Variants in MARCHF2 observed in about 807,000 individuals in gnomAD.
The protein encoded by MARCHF2 is membrane associated ring-CH-type finger 2.
A neutral mutation model predicts 24.0 loss-of-function variants in MARCHF2; 22 were observed. That is an observed-to-expected ratio of 0.92 (90% CI 0.66 to 1.31). The LOEUF is 1.31. Ranked by LOEUF, MARCHF2 falls within the 50% of genes most tolerant of loss-of-function variation. MARCHF2 has a pLI of 0.00. For synonymous variants in MARCHF2, 154 were observed against 153.0 expected (o/e 1.01, Z -0.05); for missense variants, 301 against 335.3 (o/e 0.90, Z 0.80).
intron 1 of MARCHF2, among the ~76,000 whole-genome samples, chr19:8,415,746 A>AC (rs1967069574): frequency 1.8e-5 from 1 of 54,862 alleles, no homozygotes; most frequent in Admixed American, 1.8e-4. Flanking sequence ...AAAAAAAACA[A>AC]AAAAAAAAAC....
intron 4 of MARCHF2, among the ~76,000 whole-genome samples, chr19:8,435,261 G>A (rs1224907735): frequency 2.0e-5 from 3 of 151,860 alleles, no homozygotes; most frequent in Admixed American, 6.6e-5. Context: ...CTCGTGATCC[G>A]CCCGTGTCTG....
intron 1 of MARCHF2, among the ~76,000 whole-genome samples, chr19:8,416,331 ACT>A (rs1310638386): frequency 2.4e-5 from 3 of 127,476 alleles, no homozygotes; most frequent in Non-Finnish European, 4.9e-5. Context: ...ACAGAGCGAG[ACT>A]CTGTCTCAAA....
In MARCHF2 at chr19:8,417,638, A is replaced by G. The variant is rs570792454; in HGVS notation, c.-52-4151A>G. Among the ~76,000 whole-genome samples the G allele has an allele frequency of 8.0e-5, 12 of 150,458 alleles. No homozygotes were observed. In the South Asian group the frequency reaches 2.3e-3, roughly 29 times the overall value. On this transcript the variant is annotated intron_variant, in intron 1 of 4. Transcript: ENST00000215555. ...CTTCTAGTAGAGATGGGGTTTTGCC[A>G]TGTTGGCCAGGCTGGTCTCGAACTC... is the stretch of plus-strand genomic sequence containing the variant.
intron 1 of MARCHF2, among the ~76,000 whole-genome samples, chr19:8,416,207 T>TC (rs1370044172): frequency 1.3e-5 from 2 of 151,602 alleles, no homozygotes; most frequent in African/African-American, 4.8e-5. Context: ...CCGGGTATGG[T>TC]GGTGGGTGCC....
intron 3 of MARCHF2, 29 bp downstream of exon 3, chr19:8,426,833 G>A: frequency 6.2e-7 from 1 of 1,600,502 alleles, no homozygotes; most frequent in South Asian, 1.1e-5. Flanking sequence ...GACTGCGGTG[G>A]GCAGTGGGGA....
In MARCHF2 at chr19:8,422,013, C is replaced by G. The variant is rs138648064; in HGVS notation, c.173C>G (p.Pro58Arg). Reference sequence around the variant, plus strand: ...ACCGTCATCCGTGCCTTGGACACACCGAGGTGAGTGGTGACTGCGTGGATA... The same window carrying G: ...ACCGTCATCCGTGCCTTGGACACACGGAGGTGAGTGGTGACTGCGTGGATA... ...LSTVIRALDT[P>R]SDGPFCRICH... The change falls in exon 2 of 5, where the codon CCG becomes CGG. Residue 58 changes from proline to arginine, a missense_variant. Pro to Arg is a moderately radical substitution (Grantham distance 103). Coordinates refer to ENST00000215555, the MANE Select transcript of MARCHF2 (RefSeq NM_001005415.2). The G allele has an allele frequency of 1.2e-6, 2 of 1,608,346 alleles. No individual in the cohort carries two copies. Among genetic ancestry groups the G allele is most frequent in the African/African-American group, 1.3e-5 (1 of 74,756 alleles).
At chr19:8,435,828 C>CTGTGTGTG (rs35027764) in intron 4 of MARCHF2, among the ~76,000 whole-genome samples, 1,464 of 141,140 alleles carry the variant, frequency 0.01, 18 homozygotes, top group East Asian at 0.034. Context: ...TGCACCTGGC[C>CTGTGTGTG]TGTGTGTGTG....
intron 4 of MARCHF2, among the ~76,000 whole-genome samples, chr19:8,436,699 T>C (rs1328867596): frequency 1.7e-5 from 1 of 60,402 alleles, no homozygotes; most frequent in Non-Finnish European, 4.3e-5. Flanking sequence ...TTTTTTTTTT[T>C]TGAGGCAGAG....
At chr19:8,428,669 A>C (rs905123643) in intron 3 of MARCHF2, among the ~76,000 whole-genome samples, 9 of 147,796 alleles carry the variant, frequency 6.1e-5, no homozygotes, top group Non-Finnish European at 7.5e-5. Context: ...AAAAAAAAAA[A>C]AAAAAAAAAA....
chr19:8,434,274 G>A (rs1455862108), intron 4 of MARCHF2, among the ~76,000 whole-genome samples: 12 of 151,796 alleles, frequency 7.9e-5, no homozygotes, highest in Admixed American at 2.6e-4. Flanking sequence ...TAGTAGAGAC[G>A]GGGTTTCGCC....
intron 1 of MARCHF2, among the ~76,000 whole-genome samples, chr19:8,415,411 A>AG (rs959176150): frequency 2.0e-5 from 3 of 149,778 alleles, no homozygotes; most frequent in African/African-American, 7.4e-5. Context: ...AAAAAAAAAA[A>AG]ACAGACAAAA....
At chr19:8,437,670 CT>C (rs1228476958) in intron 4 of MARCHF2, among the ~76,000 whole-genome samples, 77 of 143,008 alleles carry the variant, frequency 5.4e-4, no homozygotes, top group East Asian at 1.0e-3. Flanking sequence ...TATTGAGTGA[CT>C]TTTTTTTTTT....
At chr19:8,431,890 C>T (rs1240179721) in intron 4 of MARCHF2, among the ~76,000 whole-genome samples, 1 of 151,618 alleles carries the variant, frequency 6.6e-6, no homozygotes, top group African/African-American at 2.4e-5. Flanking sequence ...GGTGCGGTGG[C>T]TCATGCCTGT....
rs1199358695 is a variant in MARCHF2, at chr19:8,438,915, C to A, written c.*369C>A. 1 of 175,190 alleles carries A rather than the reference C, an allele frequency of 5.7e-6. No individual in the cohort carries two copies. The highest frequency in any genetic ancestry group is 2.4e-5 in the African/African-American group (1 of 42,186). 10.9% of individuals were successfully genotyped at this position (175,190 alleles called of 1,614,324 possible). On this transcript the variant is annotated 3_prime_UTR_variant, in exon 5 of 5. Transcript: ENST00000215555. ...GCAAGCTTCTTGCGCTTCTCTGCAC[C>A]CGGCAGGCCCACTTTCCTGGCACCC...
intron 1 of MARCHF2, among the ~76,000 whole-genome samples, chr19:8,421,174 G>C (rs909233163): frequency 3.0e-4 from 45 of 150,238 alleles, no homozygotes; most frequent in South Asian, 1.9e-3. Flanking sequence ...CCAGGCTGGA[G>C]TGCAGTGGCG....
In MARCHF2 at chr19:8,421,823, A is replaced by G; in HGVS notation, c.-18A>G. On this transcript the variant is annotated 5_prime_UTR_variant, in exon 2 of 5. It adds an upstream start codon to the 5' untranslated region. Transcript: ENST00000215555. Reference sequence around the variant, plus strand: ...ACCATGGGCCTCAGGCCCTGAGGATACGGGGCTCCCGGTGGCCATGACGAC... The same window carrying G: ...ACCATGGGCCTCAGGCCCTGAGGATGCGGGGCTCCCGGTGGCCATGACGAC... The G allele has an allele frequency of 6.3e-7, 1 of 1,595,376 alleles. No homozygotes were observed. The highest frequency in any genetic ancestry group is 8.5e-7 in the Non-Finnish European group (1 of 1,170,378).
Position 8,425,157 on chromosome 19 carries a change from C to T in MARCHF2, c.177-1452C>T, listed in dbSNP as rs868093152. On this transcript the variant is annotated intron_variant, in intron 2 of 4. Transcript: ENST00000215555. ...TTGGGAGGCTGAGGCGGGCAGATCACGAGGTCAGGAGATTGAGACCATCCT... is the reference window on the plus strand; with the variant it reads ...TTGGGAGGCTGAGGCGGGCAGATCATGAGGTCAGGAGATTGAGACCATCCT... Among the ~76,000 whole-genome samples the T allele has an allele frequency of 2.0e-5, 3 of 151,668 alleles. No individual in the cohort carries two copies. In the South Asian group the frequency reaches 6.2e-4, roughly 32 times the overall value.
intron 1 of MARCHF2, among the ~76,000 whole-genome samples, chr19:8,417,452 G>T (rs1157387695): frequency 1.3e-5 from 2 of 151,388 alleles, no homozygotes; most frequent in African/African-American, 4.8e-5. Context: ...TTTTTTTTTG[G>T]GCGGGGGGAT....
chr19:8,415,296 G>A (rs1967046875), intron 1 of MARCHF2, among the ~76,000 whole-genome samples: 1 of 151,758 alleles, frequency 6.6e-6, no homozygotes. Flanking sequence ...GCTGAGGTGG[G>A]AGGATCACCT....
Sources: gnomAD v4.1 joint callset for allele counts (sites outside exome capture counted in the v4.1 genomes callset) on GRCh38, gnomAD v4.1.1 for gene constraint, MANE v1.5 for transcripts, NCBI Gene and HGNC (gene_info 2026-07-23, HGNC 2026-07-21) for gene names.